The following NDRG4 variants were observed in gnomAD, a reference collection of about 807,000 sequenced individuals.
The protein encoded by NDRG4 is NDRG family member 4.
A neutral mutation model predicts 55.8 loss-of-function variants in NDRG4; 38 were observed. The observed-to-expected ratio is 0.68, with a 90% CI of 0.53 to 0.89. The LOEUF (loss-of-function observed/expected upper bound fraction) is 0.89. NDRG4 is among the 40% of genes least tolerant of loss of function. The pLI, the probability that NDRG4 is intolerant of heterozygous loss-of-function variation, is 0.00. For synonymous variants in NDRG4, 190 were observed against 182.7 expected (o/e 1.04, Z -0.32); for missense variants, 455 against 468.6 (o/e 0.97, Z 0.27).
intron 1 of NDRG4, among the ~76,000 whole-genome samples, chr16:58,485,794 G>A (rs1399367038): frequency 2.6e-5 from 4 of 152,098 alleles, no homozygotes; most frequent in African/African-American, 9.7e-5. Flanking sequence ...TTCATTTATT[G>A]TAACAGGAAT....
At chr16:58,478,456 A>G in intron 1 of NDRG4, among the ~76,000 whole-genome samples, 1 of 152,082 alleles carries the variant, frequency 6.6e-6, no homozygotes, top group Non-Finnish European at 1.5e-5. Flanking sequence ...GAGAAGGCCA[A>G]GGAGGACATA....
At chr16:58,481,670 C>T (rs1303791618) in intron 1 of NDRG4, among the ~76,000 whole-genome samples, 1 of 152,232 alleles carries the variant, frequency 6.6e-6, no homozygotes. Flanking sequence ...TGCATGTAGG[C>T]GGGTGGAAGC....
At chr16:58,468,047 A>G (rs912498420) in intron 1 of NDRG4, among the ~76,000 whole-genome samples, 1 of 152,222 alleles carries the variant, frequency 6.6e-6, no homozygotes, top group Non-Finnish European at 1.5e-5. Context: ...CCTGTGAGTC[A>G]GGCATGGCCT....
At chr16:58,495,132 T>C in intron 3 of NDRG4, 2 of 943,966 alleles carry the variant, frequency 2.1e-6, no homozygotes, top group South Asian at 1.5e-5. Context: ...AGAGAGATGC[T>C]GGGGTGGGAG....
At chr16:58,508,311 C>T (rs761081524) in intron 10 of NDRG4, among the ~76,000 whole-genome samples, 6 of 152,156 alleles carry the variant, frequency 3.9e-5, no homozygotes, top group East Asian at 1.9e-4. Flanking sequence ...CCAGGGTGTA[C>T]GATCTTTTTT....
chr16:58,505,713 C>CTTTTTTTTTTTTTTTTTTTTT lies in NDRG4; in HGVS notation c.373-668_373-648dup, dbSNP rs1028370131. On this transcript the variant is annotated intron_variant, in intron 5 of 14. Coordinates refer to ENST00000570248, the MANE Select transcript of NDRG4 (RefSeq NM_001242835.2). ...ATTTATATCATGAGGGCTTCATTTTCTTTTTTTTTTTTTTTTTTTTTTTTT... is the reference window on the plus strand; with the variant it reads ...ATTTATATCATGAGGGCTTCATTTTCTTTTTTTTTTTTTTTTTTTTTTTTTTTTTTTTTTTTTTTTTTTTTT... Among the ~76,000 whole-genome samples the CTTTTTTTTTTTTTTTTTTTTT allele has an allele frequency of 3.1e-4, 18 of 58,658 alleles. 2 individuals are homozygous for CTTTTTTTTTTTTTTTTTTTTT. Among genetic ancestry groups the CTTTTTTTTTTTTTTTTTTTTT allele is most frequent in the African/African-American group, 1.3e-3 (17 of 13,050 alleles). 38.5% of individuals were successfully genotyped at this position (58,658 alleles called of 152,430 possible).
At position 58,507,572 on chromosome 16, in the gene NDRG4, T is replaced by C. The variant is rs1597332713; in HGVS notation, c.621-236T>C. 7.3e-6 allele frequency: 4 copies of C among 545,248 alleles called. No homozygotes were observed. In the East Asian group the frequency reaches 1.1e-4, roughly 16 times the overall value. 33.8% of individuals were successfully genotyped at this position (545,248 alleles called of 1,614,324 possible). Reference sequence around the variant, plus strand: ...CAGGAGACAGGCCAGTAGCAGAAACTCCCACAGCACAGGTGGCGGTGCGCA... The same window carrying C: ...CAGGAGACAGGCCAGTAGCAGAAACCCCCACAGCACAGGTGGCGGTGCGCA... On this transcript the variant is annotated intron_variant, in intron 8 of 14. Coordinates refer to ENST00000570248, the MANE Select transcript of NDRG4 (RefSeq NM_001242835.2).
chr16:58,482,500 T>TCAC (rs1194926655), intron 1 of NDRG4, among the ~76,000 whole-genome samples: 3 of 152,158 alleles, frequency 2.0e-5, no homozygotes, highest in African/African-American at 4.8e-5. Flanking sequence ...CCTTCATGTG[T>TCAC]AGCACTGTCC....
intron 8 of NDRG4, 87 bp downstream of exon 8, chr16:58,507,102 C>A: frequency 9.7e-7 from 1 of 1,027,812 alleles, no homozygotes; most frequent in Non-Finnish European, 1.5e-6. Flanking sequence ...AGGCAGACAA[C>A]ACCCTTGCCC....
chr16:58,509,267 C>T (rs983176406), intron 12 of NDRG4, 34 bp from the exon 13 acceptor site: 3 of 1,613,868 alleles, frequency 1.9e-6, no homozygotes, highest in Middle Eastern at 1.6e-4. Context: ...CCTAGGCAGC[C>T]AATGAAAGCA....
At chr16:58,506,206 C>T (rs1406463568) in intron 5 of NDRG4, 181 bp from the exon 6 acceptor site, 1 of 625,274 alleles carries the variant, frequency 1.6e-6, no homozygotes, top group Admixed American at 2.2e-5. Context: ...TAAATAAATC[C>T]AAGAACTGTG....
chr16:58,506,892 A>G lies in NDRG4; in HGVS notation c.517-20A>G, dbSNP rs1567349916. The G allele has an allele frequency of 1.2e-6, 2 of 1,607,646 alleles. No individual in the cohort carries two copies. Among genetic ancestry groups the G allele is most frequent in the African/African-American group, 2.7e-5 (2 of 74,918 alleles). ...TCTGTCTGCCCCTCTGCATGCCTCCATCCATCTCCCTGGGCCTAGGAGGAG... is the reference window on the plus strand; with the variant it reads ...TCTGTCTGCCCCTCTGCATGCCTCCGTCCATCTCCCTGGGCCTAGGAGGAG... On this transcript the variant is annotated intron_variant, in intron 7 of 14. Transcript: ENST00000570248.
intron 1 of NDRG4, chr16:58,500,813 G>A: frequency 4.7e-6 from 2 of 422,734 alleles, no homozygotes; most frequent in Non-Finnish European, 8.2e-6. Flanking sequence ...GCGCCAGTGT[G>A]ATGGGAAGGA....
At chr16:58,477,826 T>C (rs1361608498) in intron 1 of NDRG4, among the ~76,000 whole-genome samples, 1 of 152,074 alleles carries the variant, frequency 6.6e-6, no homozygotes, top group Non-Finnish European at 1.5e-5. Flanking sequence ...TTACATAGTG[T>C]CAAAGTATCT....
At position 58,503,788 on chromosome 16, in the gene NDRG4, T is replaced by C. The variant is rs1405094270; in HGVS notation, c.22-10T>C. On this transcript the variant is annotated splice_polypyrimidine_tract_variant and intron_variant, in intron 1 of 14. Coordinates refer to ENST00000570248, the MANE Select transcript of NDRG4 (RefSeq NM_001242835.2). ...TGCCCAGAGTGTCCAGCACGGTCTC[T>C]CCCCTTCAGGAACATGACATCGAGA... is the stretch of plus-strand genomic sequence containing the variant. 3 of 1,613,604 alleles carry C rather than the reference T, an allele frequency of 1.9e-6. No homozygotes were observed. Among genetic ancestry groups the C allele is most frequent in the Non-Finnish European group, 2.5e-6 (3 of 1,179,946 alleles).
chr16:58,495,450 G>C (rs1314797469), upstream of NDRG4: 2 of 163,624 alleles, frequency 1.2e-5, no homozygotes, highest in Admixed American at 5.9e-5. Flanking sequence ...ATTGATTTCC[G>C]GGTCTGGGAA....
intron 1 of NDRG4, among the ~76,000 whole-genome samples, chr16:58,467,450 T>C (rs1043597561): frequency 1.3e-5 from 2 of 151,964 alleles, no homozygotes; most frequent in African/African-American, 4.8e-5. Context: ...GAGGTTGCAG[T>C]GGGCCAAGAT....
chr16:58,504,370 C>A lies in NDRG4; in HGVS notation c.260C>A (p.Pro87His). ...ASQFPQGYQF[P>H]SMEQLAAMLP... is the part of the protein sequence containing the mutation. ...TGCTCTGCCTGCAGGTACCAGTTCC[C>A]CTCCATGGAGCAGCTGGCTGCCATG... Residue 87 changes from proline to histidine, a missense_variant, in exon 4 of 15, where the codon CCC (proline) becomes CAC (histidine). Physicochemically the swap from Pro to His is moderately conservative, Grantham distance 77. Coordinates refer to ENST00000570248, the MANE Select transcript of NDRG4 (RefSeq NM_001242835.2). The A allele has an allele frequency of 6.2e-7, 1 of 1,613,494 alleles. No individual in the cohort carries two copies. Among genetic ancestry groups the A allele is most frequent in the Non-Finnish European group, 8.5e-7 (1 of 1,180,022 alleles).
At position 58,511,672 on chromosome 16, in the gene NDRG4, G is replaced by C. The variant is rs370119944; in HGVS notation, c.*96G>C. 3 of 1,440,212 alleles carry C rather than the reference G, an allele frequency of 2.1e-6. No homozygotes were observed. The highest frequency in any genetic ancestry group is 9.8e-7 in the Non-Finnish European group (1 of 1,025,282). 89.2% of individuals were successfully genotyped at this position (1,440,212 alleles called of 1,614,324 possible). Reference sequence around the variant, plus strand: ...TTAGTTTATTTTTGTGAGGGCAAAGGGGAGGAAATGGGGTTCTGTTTGAAA... The same window carrying C: ...TTAGTTTATTTTTGTGAGGGCAAAGCGGAGGAAATGGGGTTCTGTTTGAAA... On this transcript the variant is annotated 3_prime_UTR_variant, in exon 15 of 15. Transcript: ENST00000570248.
Sources: allele counts gnomAD v4.1 joint callset (sites outside exome capture counted in the v4.1 genomes callset), GRCh38; gene constraint gnomAD v4.1.1; transcripts MANE v1.5; gene names NCBI Gene and HGNC (gene_info 2026-07-23, HGNC 2026-07-21).